Variants in MAP4K5 observed in about 807,000 individuals in gnomAD.
MAP4K5 encodes mitogen-activated protein kinase kinase kinase kinase 5.
MAP4K5 carries 82 observed loss-of-function variants against 135.6 expected under a neutral mutation model. The observed-to-expected ratio is 0.60, with a 90% CI of 0.51 to 0.73. The LOEUF (loss-of-function observed/expected upper bound fraction) is 0.73, where lower values mean the gene tolerates loss of function less well. Ranked by LOEUF, MAP4K5 falls within the 30% of genes least tolerant of loss-of-function variation. The pLI, the probability that MAP4K5 is intolerant of heterozygous loss-of-function variation, is 0.00. For synonymous variants in MAP4K5, 347 were observed against 335.0 expected, an observed-to-expected ratio of 1.04 and a Z score of -0.39; for missense variants, 907 against 1,010.9, an observed-to-expected ratio of 0.90 and a Z score of 1.39.
intron 3 of MAP4K5, among the ~76,000 whole-genome samples, chr14:50,503,512 C>T (rs2037749138): frequency 6.6e-6 from 1 of 151,856 alleles, no homozygotes; most frequent in South Asian, 2.1e-4. Flanking sequence ...TACTGAATTG[C>T]CTTCTTATGT....
At chr14:50,503,042 G>C (rs1461346179) in intron 3 of MAP4K5, among the ~76,000 whole-genome samples, 1 of 151,670 alleles carries the variant, frequency 6.6e-6, no homozygotes, top group Non-Finnish European at 1.5e-5. Flanking sequence ...AATAGAGAAA[G>C]GAGGACTGAC....
upstream of MAP4K5, among the ~76,000 whole-genome samples, chr14:50,536,376 T>G (rs1595562094): frequency 6.8e-6 from 1 of 146,404 alleles, no homozygotes; most frequent in Non-Finnish European, 1.5e-5. Context: ...GTAGAGGTTG[T>G]GGTGAGCCAA....
At chr14:50,512,539 A>G (rs1269735410) in intron 2 of MAP4K5, among the ~76,000 whole-genome samples, 2 of 152,184 alleles carry the variant, frequency 1.3e-5, no homozygotes, top group Non-Finnish European at 2.9e-5. Context: ...ATAGGAATAA[A>G]TACTTAAATG....
At chr14:50,478,660 A>T (rs77382984) in intron 6 of MAP4K5, among the ~76,000 whole-genome samples, 1,891 of 152,250 alleles carry the variant, frequency 0.012, 22 homozygotes, top group Non-Finnish European at 0.019. Flanking sequence ...GAAAACAGAA[A>T]ATACAAAATG....
At chr14:50,519,823 T>C (rs1197988638) in intron 2 of MAP4K5, among the ~76,000 whole-genome samples, 1 of 151,994 alleles carries the variant, frequency 6.6e-6, no homozygotes, top group Non-Finnish European at 1.5e-5. Flanking sequence ...TACTACTACA[T>C]TAAGAATAAC....
chr14:50,440,673 A>C (rs2036207145), intron 21 of MAP4K5, among the ~76,000 whole-genome samples: 1 of 152,120 alleles, frequency 6.6e-6, no homozygotes, highest in South Asian at 2.1e-4. Flanking sequence ...TTATCTTACT[A>C]TATAACCCTG....
rs1230330206 is a variant in MAP4K5 at position 50,468,837 on chromosome 14, G to A, written c.543-55C>T. The A allele has an allele frequency of 4.7e-6, 7 of 1,491,584 alleles. No homozygotes were observed. The South Asian group carries it at 7.3e-5, about 15-fold the overall frequency. 92.4% of individuals were successfully genotyped at this position (1,491,584 alleles called of 1,614,324 possible). A position where few individuals can be genotyped will look rare whatever the true frequency, so the allele number is the denominator to read the frequency against. The stretch of plus-strand genomic sequence containing the variant: ...TGTTGTTAAATATTGATCTGAATCT[G>A]TTACTTCCTGTTATAATCACCAGAC... On this transcript the variant is annotated intron_variant, in intron 9 of 32. Coordinates refer to ENST00000682126, the MANE Select transcript of MAP4K5 (RefSeq NM_006575.6).
At chr14:50,533,212 G>C (rs56833390), upstream of MAP4K5, 1 of 152,196 alleles carries the variant, frequency 6.6e-6, no homozygotes, top group Non-Finnish European at 1.5e-5. Context: ...GTGTCTCATC[G>C]CTGGTATTGC....
intron 1 of MAP4K5, among the ~76,000 whole-genome samples, chr14:50,544,879 A>G (rs778193674): frequency 3.3e-5 from 5 of 149,460 alleles, no homozygotes; most frequent in Non-Finnish European, 7.4e-5. Flanking sequence ...GGATGCTGCA[A>G]TGAGCTATGA....
At chr14:50,522,350 A>T (rs923662965) in intron 2 of MAP4K5, among the ~76,000 whole-genome samples, 1 of 152,138 alleles carries the variant, frequency 6.6e-6, no homozygotes, top group African/African-American at 2.4e-5. Flanking sequence ...CTTCTTTTAC[A>T]GTTTTCATAA....
In MAP4K5 at chr14:50,424,831, G is replaced by GC. The variant is rs778180851; in HGVS notation, c.2397+1075dup. Among the ~76,000 whole-genome samples the GC allele has an allele frequency of 5.9e-5, 9 of 151,860 alleles. No individual in the cohort carries two copies. The South Asian group carries it at 8.3e-4, about 14-fold the overall frequency. On this transcript the variant is annotated intron_variant, in intron 31 of 32. Transcript: ENST00000682126. Reference sequence around the variant, plus strand: ...CCATAGGAGTGACATAATGAAAATAGCATTTAAGAATAATTAACCATATGA... The same window carrying GC: ...CCATAGGAGTGACATAATGAAAATAGCCATTTAAGAATAATTAACCATATGA...
intron 6 of MAP4K5, among the ~76,000 whole-genome samples, chr14:50,481,292 C>T (rs138885196): frequency 2.0e-5 from 3 of 148,644 alleles, no homozygotes; most frequent in African/African-American, 4.9e-5. Context: ...TTACACATCT[C>T]TATATATATA....
At chr14:50,460,273 T>C (rs966252427) in intron 13 of MAP4K5, among the ~76,000 whole-genome samples, 1 of 152,166 alleles carries the variant, frequency 6.6e-6, no homozygotes, top group African/African-American at 2.4e-5. Flanking sequence ...GACTATACTA[T>C]GAGCGTTATA....
intron 5 of MAP4K5, among the ~76,000 whole-genome samples, chr14:50,484,616 T>C (rs2037323249): frequency 6.6e-6 from 1 of 152,214 alleles, no homozygotes; most frequent in Non-Finnish European, 1.5e-5. Flanking sequence ...TAGGGATATA[T>C]ACCCAGGTCA....
chr14:50,443,853 G>C, intron 19 of MAP4K5, 83 bp from the exon 20 acceptor site: 2 of 1,464,964 alleles, frequency 1.4e-6, no homozygotes, highest in Non-Finnish European at 1.9e-6. Flanking sequence ...TCTGTTACTT[G>C]AATTACTGAA....
chr14:50,436,355 G>C (rs1156269101), intron 26 of MAP4K5, among the ~76,000 whole-genome samples: 5 of 152,120 alleles, frequency 3.3e-5, no homozygotes, highest in Admixed American at 3.3e-4. Context: ...CTTTGTCTGG[G>C]GGACTCTGGT....
chr14:50,424,107 C>CT (rs1254883172), intron 31 of MAP4K5, among the ~76,000 whole-genome samples: 4 of 150,908 alleles, frequency 2.7e-5, no homozygotes, highest in African/African-American at 7.3e-5. Context: ...TATTTGAGTC[C>CT]TTGTCTTAGG....
chr14:50,485,409 T>C (rs1386520561), intron 5 of MAP4K5, among the ~76,000 whole-genome samples, 169 bp downstream of exon 5: 3 of 152,164 alleles, frequency 2.0e-5, no homozygotes, highest in Admixed American at 6.5e-5. Flanking sequence ...GCAAGTTTAA[T>C]TGACTAACCA....
intron 1 of MAP4K5, among the ~76,000 whole-genome samples, chr14:50,553,547 C>T (rs1221489505): frequency 1.3e-5 from 2 of 151,988 alleles, no homozygotes; most frequent in African/African-American, 4.8e-5. Flanking sequence ...GTATGGATAC[C>T]CCTTAAAGAA....
Sources: gnomAD v4.1 joint callset for allele counts (sites outside exome capture counted in the v4.1 genomes callset) on GRCh38, gnomAD v4.1.1 for gene constraint, MANE v1.5 for transcripts, NCBI Gene and HGNC (gene_info 2026-07-23, HGNC 2026-07-21) for gene names.